KLHL2: variants seen among roughly 807,000 people sequenced by gnomAD.
KLHL2 encodes the protein kelch like family member 2, also known as kelch-like protein 2.
In KLHL2, 15 loss-of-function variants were observed where a neutral mutation model predicts 75.8. That is an observed-to-expected ratio of 0.20 (90% CI 0.13 to 0.30). KLHL2 has a LOEUF of 0.30. Among genes scored for constraint, KLHL2 ranks in the 10% least tolerant of loss-of-function variants. The pLI is 1.00. For synonymous variants in KLHL2, 214 were observed against 251.9 expected (o/e 0.85, Z 1.42); for missense variants, 381 against 741.0 (o/e 0.51, Z 5.64).
chr4:165,253,978 A>G (rs1473966389), intron 4 of KLHL2, among the ~76,000 whole-genome samples: 1 of 151,728 alleles, frequency 6.6e-6, no homozygotes, highest in Non-Finnish European at 1.5e-5. Context: ...CCAGTGCTGC[A>G]AGCTGTAGGA....
chr4:165,277,063 A>T (rs959455569), intron 5 of KLHL2, among the ~76,000 whole-genome samples: 2 of 152,220 alleles, frequency 1.3e-5, no homozygotes, highest in Admixed American at 1.3e-4. Context: ...TAAGAAAAAA[A>T]TTCTGGTAGA....
chr4:165,216,726 C>A (rs992145606), intron 1 of KLHL2, among the ~76,000 whole-genome samples: 6 of 152,112 alleles, frequency 3.9e-5, no homozygotes, highest in Non-Finnish European at 8.8e-5. Flanking sequence ...TAACACAAAG[C>A]CACACAGGGA....
intron 4 of KLHL2, among the ~76,000 whole-genome samples, chr4:165,259,416 A>G (rs1237574595): frequency 2.0e-5 from 3 of 152,172 alleles, no homozygotes; most frequent in Non-Finnish European, 2.9e-5. Flanking sequence ...CCCTGAACCT[A>G]TATTCTTAAC....
chr4:165,278,238 C>T (rs10016586), intron 5 of KLHL2: 112,095 of 1,143,098 alleles, frequency 0.098, 6,459 homozygotes, highest in African/African-American at 0.2. Flanking sequence ...CTCCATACGT[C>T]GACTCCTTCT....
chr4:165,310,860 T>A, intron 10 of KLHL2, 110 bp downstream of exon 10: 1 of 836,034 alleles, frequency 1.2e-6, no homozygotes, highest in Non-Finnish European at 1.9e-6. Flanking sequence ...TTTGTGTTTT[T>A]TTTTTTTTTT....
chr4:165,288,823 G>A (rs1240533973), intron 5 of KLHL2, among the ~76,000 whole-genome samples: 1 of 146,874 alleles, frequency 6.8e-6, no homozygotes. Flanking sequence ...TCATAATAGG[G>A]TTGTTGCTTT....
intron 5 of KLHL2, among the ~76,000 whole-genome samples, chr4:165,264,750 A>ACG (rs1337965413): frequency 2.3e-5 from 2 of 88,350 alleles, no homozygotes; most frequent in Admixed American, 2.4e-4. Context: ...GTATATATAT[A>ACG]TATATATATA....
chr4:165,249,399 G>C (rs1740505945), intron 4 of KLHL2, among the ~76,000 whole-genome samples: 1 of 152,180 alleles, frequency 6.6e-6, no homozygotes, highest in Non-Finnish European at 1.5e-5. Flanking sequence ...TCAGGACCTA[G>C]ATACCTAAGT....
chr4:165,207,779 A>T lies in KLHL2; in HGVS notation c.-98A>T. ...GCGGCGCCCCCTCCGGGGCGGATGG[A>T]ACGCGGCTCGGCGGGCGGGCAGTGC... On this transcript the variant is annotated 5_prime_UTR_variant, in exon 1 of 15. Coordinates refer to ENST00000226725, the MANE Select transcript of KLHL2 (RefSeq NM_007246.4). This position sits in a 1 kb window ranked among gnomAD's most constrained non-coding sequence, Gnocchi z 4.2. The T allele has an allele frequency of 1.8e-6, 2 of 1,118,522 alleles. No individual in the cohort carries two copies. Among genetic ancestry groups the T allele is most frequent in the Non-Finnish European group, 2.4e-6 (2 of 825,868 alleles). 69.3% of individuals were successfully genotyped at this position (1,118,522 alleles called of 1,614,324 possible). A position where few individuals can be genotyped will look rare whatever the true frequency, so the allele number is the denominator to read the frequency against.
intron 8 of KLHL2, among the ~76,000 whole-genome samples, chr4:165,301,347 A>G: frequency 6.6e-6 from 1 of 152,226 alleles, no homozygotes; most frequent in East Asian, 1.9e-4. Context: ...AAGTGTATTT[A>G]CAAGGTATTC....
intron 5 of KLHL2, among the ~76,000 whole-genome samples, chr4:165,284,735 T>C (rs1347478125): frequency 6.6e-6 from 1 of 152,206 alleles, no homozygotes; most frequent in Non-Finnish European, 1.5e-5. Flanking sequence ...ACCAATTTAC[T>C]GTACTGGTTC....
intron 5 of KLHL2, among the ~76,000 whole-genome samples, chr4:165,280,024 G>C (rs1280372512): frequency 5.3e-5 from 8 of 152,140 alleles, no homozygotes. Context: ...GGACCTTTCT[G>C]GTATTTAGAA....
At chr4:165,250,959 C>T (rs1014433870) in intron 4 of KLHL2, among the ~76,000 whole-genome samples, 12 of 152,110 alleles carry the variant, frequency 7.9e-5, no homozygotes, top group African/African-American at 2.9e-4. Context: ...ATCACCTGTT[C>T]CATTGGTTTG....
At chr4:165,231,572 C>G (rs1738895726) in intron 3 of KLHL2, among the ~76,000 whole-genome samples, 1 of 152,188 alleles carries the variant, frequency 6.6e-6, no homozygotes, top group Admixed American at 6.5e-5. Context: ...TCATCCGTGT[C>G]ATAAATGTTT....
chr4:165,270,629 G>C (rs1453072848), intron 5 of KLHL2, among the ~76,000 whole-genome samples: 1 of 152,164 alleles, frequency 6.6e-6, no homozygotes, highest in East Asian at 1.9e-4. Flanking sequence ...GACCCTGTTT[G>C]CCTGGGTATC....
Position 165,310,657 on chromosome 4 carries a change from A to T in KLHL2, c.1144A>T (p.Ser382Cys). The change falls in exon 10 of 15, where the codon AGC becomes TGC. Residue 382 changes from serine (S) to cysteine (C), a missense_variant. By Grantham distance (112) the Ser-to-Cys change is moderately radical (BLOSUM62 -1). Around this residue, in one of 5 missense-constraint regions of KLHL2, gnomAD observed 168 missense variants for 370.4 expected, o/e 0.45. Transcript: ENST00000226725. ...CGACCCTGTGAAGGACCAGTGGACC[A>T]GCGTTGCTAACATGAGAGACCGGAG... ...SYDPVKDQWT[S>C]VANMRDRRST... 3 of 1,614,156 alleles carry T rather than the reference A, an allele frequency of 1.9e-6. No individual in the cohort carries two copies. The highest frequency in any genetic ancestry group is 2.5e-6 in the Non-Finnish European group (3 of 1,180,004).
chr4:165,278,751 C>G (rs180958007), intron 5 of KLHL2: 51 of 1,584,556 alleles, frequency 3.2e-5, no homozygotes, highest in Non-Finnish European at 4.3e-5. Context: ...GTGAGAAGGC[C>G]ATGATCAGAA....
At chr4:165,264,704 GTATATATATATATATACATATATATA>G (rs1160626654) in intron 5 of KLHL2, among the ~76,000 whole-genome samples, 16 of 82,872 alleles carry the variant, frequency 1.9e-4, no homozygotes, top group African/African-American at 6.9e-4. Flanking sequence ...GTGTGTGTGT[GTATATATATATATATACATATATATA>G]TATATATATG....
At chr4:165,223,094 G>A (rs1738137679) in intron 2 of KLHL2, among the ~76,000 whole-genome samples, 1 of 152,226 alleles carries the variant, frequency 6.6e-6, no homozygotes, top group Admixed American at 6.5e-5. Flanking sequence ...TTTTAGACAG[G>A]AGGCCCAGAG....
Sources: gnomAD v4.1 joint callset for allele counts (sites outside exome capture counted in the v4.1 genomes callset) on GRCh38, gnomAD v4.1.1 for gene constraint, gnomAD v4.1.1 regional missense constraint, Gnocchi (gnomAD v3.1) non-coding constraint, MANE v1.5 for transcripts, NCBI Gene and HGNC (gene_info 2026-07-23, HGNC 2026-07-21) for gene names.